MIA2: variants seen among roughly 807,000 people sequenced by gnomAD.
MIA2 encodes the protein MIA SH3 domain ER export factor 2.
MIA2 carries 127 observed loss-of-function variants against 167.8 expected under a neutral mutation model. The observed-to-expected ratio is 0.76, with a 90% CI of 0.66 to 0.88. MIA2 has a LOEUF of 0.88. Ranked by LOEUF, MIA2 falls within the 40% of genes least tolerant of loss-of-function variation. The pLI is 0.00. For synonymous variants in MIA2, 552 were observed against 541.9 expected (o/e 1.02, Z -0.26); for missense variants, 1,690 against 1,624.7 (o/e 1.04, Z -0.69).
At chr14:39,353,992 C>T (rs183694541), downstream of MIA2, among the ~76,000 whole-genome samples, 383 of 152,304 alleles carry the variant, frequency 2.5e-3, 1 homozygote, top group African/African-American at 8.6e-3. Context: ...GGTTCCAAGT[C>T]TTTGCTATTG....
At position 39,288,461 on chromosome 14, in the gene MIA2, A is replaced by ATTTTTTT. The variant is rs1225086664; in HGVS notation, c.2131-2557_2131-2556insTTTTTTT. Among the ~76,000 whole-genome samples, 7 of 19,892 alleles carry ATTTTTTT rather than the reference A, an allele frequency of 3.5e-4. 1 individual carries two copies. The highest frequency in any genetic ancestry group is 8.0e-4 in the African/African-American group (6 of 7,488). 13.0% of individuals were successfully genotyped at this position (19,892 alleles called of 152,430 possible). A position where few individuals can be genotyped will look rare whatever the true frequency, so the allele number is the denominator to read the frequency against. On this transcript the variant is annotated intron_variant, in intron 9 of 28. Coordinates refer to ENST00000640607, the MANE Select transcript of MIA2 (RefSeq NM_001329214.4). ...TATATATATATATATATATATATATATATATATATATATATTTTTTTTTTT... is the reference window on the plus strand; with the variant it reads ...TATATATATATATATATATATATATATTTTTTTTATATATATATATATTTTTTTTTTT...
intron 25 of MIA2, among the ~76,000 whole-genome samples, chr14:39,335,797 G>A (rs1412585022): frequency 6.6e-6 from 1 of 152,062 alleles, no homozygotes; most frequent in Non-Finnish European, 1.5e-5. Flanking sequence ...AGTGTCTCTT[G>A]TTATCATCTT....
intron 14 of MIA2, among the ~76,000 whole-genome samples, chr14:39,301,192 C>T (rs2062436567): frequency 1.3e-5 from 2 of 151,986 alleles, no homozygotes; most frequent in African/African-American, 2.4e-5. Flanking sequence ...TCCTGAGTAG[C>T]TGGGACTACA....
At chr14:39,258,680 T>G (rs1405700832) in intron 6 of MIA2, among the ~76,000 whole-genome samples, 2 of 152,214 alleles carry the variant, frequency 1.3e-5, no homozygotes, top group Non-Finnish European at 2.9e-5. Flanking sequence ...GTTTTTGGAA[T>G]TTTCAGCGTT....
Position 39,301,326 on chromosome 14 carries a change from A to T in MIA2, c.2620-803A>T, listed in dbSNP as rs112327815. ...GTGATCCGCCCACCTTAGCCTCCCA[A>T]AGTTTTGGGATTACAGGCGTGAGCC... On this transcript the variant is annotated intron_variant, in intron 14 of 28. Coordinates refer to ENST00000640607, the MANE Select transcript of MIA2 (RefSeq NM_001329214.4). Among the ~76,000 whole-genome samples the T allele has an allele frequency of 4.3e-3, 651 of 152,270 alleles. 5 individuals carry two copies. Among genetic ancestry groups the T allele is most frequent in the African/African-American group, 0.014 (596 of 41,544 alleles).
intron 2 of MIA2, among the ~76,000 whole-genome samples, chr14:39,238,020 G>A (rs541158209): frequency 6.6e-5 from 10 of 152,180 alleles, no homozygotes; most frequent in South Asian, 4.1e-4. Flanking sequence ...GATTACAGGC[G>A]TGAGCCACTG....
At chr14:39,239,903 G>A (rs1196058919) in intron 2 of MIA2, among the ~76,000 whole-genome samples, 1 of 152,206 alleles carries the variant, frequency 6.6e-6, no homozygotes, top group East Asian at 1.9e-4. Context: ...TGCTGGATTA[G>A]AGGGCCAAAA....
chr14:39,327,494 A>G (rs963245716), intron 25 of MIA2, among the ~76,000 whole-genome samples: 1 of 152,136 alleles, frequency 6.6e-6, no homozygotes, highest in African/African-American at 2.4e-5. Flanking sequence ...TGACCATTTT[A>G]TCTCACCAAA....
At chr14:39,315,947 G>T (rs1052123983) in intron 21 of MIA2, among the ~76,000 whole-genome samples, 1 of 152,138 alleles carries the variant, frequency 6.6e-6, no homozygotes, top group African/African-American at 2.4e-5. Context: ...TTCTTTGAAA[G>T]GAGTTTATAC....
chr14:39,347,818 C>CTTTTTT (rs59832680), intron 27 of MIA2, 47 bp downstream of exon 27: 487 of 705,848 alleles, frequency 6.9e-4, no homozygotes, highest in East Asian at 2.2e-3. Context: ...CAGAAGCCTT[C>CTTTTTT]TTTTTTTTTT....
At chr14:39,288,463 A>ATTTTTTTTTTTTTT (rs1371000878) in intron 9 of MIA2, among the ~76,000 whole-genome samples, 2 of 29,920 alleles carry the variant, frequency 6.7e-5, no homozygotes, top group African/African-American at 2.4e-4. Flanking sequence ...ATATATATAT[A>ATTTTTTTTTTTTTT]TATATATATA....
At chr14:39,308,699 G>T (rs2063740609) in intron 18 of MIA2, 112 bp downstream of exon 18, 1 of 871,280 alleles carries the variant, frequency 1.1e-6, no homozygotes, top group Non-Finnish European at 1.7e-6. Flanking sequence ...TGATTAGATT[G>T]TATTTCATCA....
chr14:39,294,621 A>C (rs1237295416), intron 12 of MIA2, among the ~76,000 whole-genome samples: 3 of 152,174 alleles, frequency 2.0e-5, no homozygotes, highest in Non-Finnish European at 2.9e-5. Flanking sequence ...TAATAGACAA[A>C]AAAGTCCCCA....
chr14:39,368,540 C>T (rs1302265380), intron 23 of MIA2, among the ~76,000 whole-genome samples: 2 of 152,014 alleles, frequency 1.3e-5, no homozygotes, highest in South Asian at 2.1e-4. Context: ...TTTGGTGTAC[C>T]GTGGCTGCCA....
intron 13 of MIA2, among the ~76,000 whole-genome samples, chr14:39,297,292 A>T (rs2061562515): frequency 6.6e-6 from 1 of 151,458 alleles, no homozygotes; most frequent in South Asian, 2.1e-4. Flanking sequence ...GGGTTTCATC[A>T]TGTTGGCCAG....
At chr14:39,289,230 T>A (rs2152814549) in intron 9 of MIA2, among the ~76,000 whole-genome samples, 1 of 149,018 alleles carries the variant, frequency 6.7e-6, no homozygotes, top group East Asian at 1.9e-4. Context: ...AGGTTTTCTT[T>A]TTTTTTTTTT....
chr14:39,333,414 C>CAT (rs1188061820), intron 25 of MIA2, among the ~76,000 whole-genome samples: 2 of 152,160 alleles, frequency 1.3e-5, no homozygotes, highest in African/African-American at 4.8e-5. Flanking sequence ...TTGCCATACA[C>CAT]ATGTGTTGCT....
intron 9 of MIA2, among the ~76,000 whole-genome samples, chr14:39,280,179 G>C (rs1366074472): frequency 6.6e-6 from 1 of 152,002 alleles, no homozygotes; most frequent in African/African-American, 2.4e-5. Flanking sequence ...ATGTGAGTCT[G>C]TTTCTGTTAA....
At chr14:39,303,155 C>G (rs1208955998) in intron 15 of MIA2, among the ~76,000 whole-genome samples, 2 of 152,000 alleles carry the variant, frequency 1.3e-5, no homozygotes, top group Admixed American at 6.6e-5. Context: ...TATAATTTTA[C>G]TCATATTTTG....
Sources: gnomAD v4.1 joint callset for allele counts (sites outside exome capture counted in the v4.1 genomes callset) on GRCh38, gnomAD v4.1.1 for gene constraint, MANE v1.5 for transcripts, NCBI Gene and HGNC (gene_info 2026-07-23, HGNC 2026-07-21) for gene names.